Variants in IVNS1ABP observed in about 807,000 individuals in gnomAD.
The protein encoded by IVNS1ABP is influenza virus NS1A binding protein.
Under a neutral mutation model 78.9 loss-of-function variants are expected in IVNS1ABP, and 25 were observed. The ratio of observed to expected loss-of-function variants is 0.32; its 90% CI spans 0.23 to 0.44. The LOEUF is 0.44. IVNS1ABP is among the 20% of genes least tolerant of loss of function. The pLI is 1.00. For missense variants in IVNS1ABP, 494 were observed against 768.9 expected (o/e 0.64, Z 4.23); for synonymous variants, 241 against 259.7 (o/e 0.93, Z 0.69).
intron 1 of IVNS1ABP, among the ~76,000 whole-genome samples, chr1:185,313,270 G>T (rs1050124508): frequency 2.6e-5 from 4 of 152,044 alleles, no homozygotes; most frequent in East Asian, 1.9e-4. Flanking sequence ...TTTAGTGCTT[G>T]ATTTTTATTT....
Position 185,317,208 on chromosome 1 carries a change from T to G in IVNS1ABP, c.-502A>C. 1 of 397,726 alleles carries G rather than the reference T, an allele frequency of 2.5e-6. No individual in the cohort carries two copies. The highest frequency in any genetic ancestry group is 4.4e-5 in the Admixed American group (1 of 22,624). 24.6% of individuals were successfully genotyped at this position (397,726 alleles called of 1,614,324 possible). On this transcript the variant is annotated 5_prime_UTR_variant, in exon 1 of 15. Transcript: ENST00000367498. ...GCGGAGAAACTGCGCCCAGCAGCTC[T>G]GAGCGACCGACCTCCACGCGCGACC...
At chr1:185,299,469 A>G in intron 14 of IVNS1ABP, 1 of 518,516 alleles carries the variant, frequency 1.9e-6, no homozygotes, top group South Asian at 2.5e-5. Context: ...AATGACTTGG[A>G]AATTCACTCA....
At chr1:185,299,508 A>G in intron 14 of IVNS1ABP, 1 of 589,092 alleles carries the variant, frequency 1.7e-6, no homozygotes, top group Non-Finnish European at 3.0e-6. Flanking sequence ...TGGTGAATTA[A>G]GTTATATATC....
Position 185,305,446 on chromosome 1 carries a change from C to T in IVNS1ABP, c.765+90G>A. The T allele has an allele frequency of 4.9e-6, 7 of 1,423,488 alleles. No homozygotes were observed. Among genetic ancestry groups the T allele is most frequent in the Non-Finnish European group, 6.7e-6 (7 of 1,037,562 alleles). The allele number at this position is 1,423,488 out of a possible 1,614,324, so 88.2% of individuals were successfully genotyped here. ...CAGTTATACCAATGAAATTGGTCCA[C>T]TTTCCTTTATTAAAGGAAAATTTAA... On this transcript the variant is annotated intron_variant, in intron 8 of 14. Transcript: ENST00000367498. This position sits in a 1 kb window ranked among gnomAD's most constrained non-coding sequence, Gnocchi z 4.0.
intron 1 of IVNS1ABP, among the ~76,000 whole-genome samples, chr1:185,313,852 G>A (rs750289050): frequency 3.9e-5 from 6 of 152,100 alleles, no homozygotes; most frequent in African/African-American, 1.4e-4. Context: ...GATAAATTCA[G>A]CATACTTCTA....
Position 185,305,587 on chromosome 1 carries a change from A to G in IVNS1ABP, c.714T>C (p.Asp238=). Residue 238 remains aspartate, a synonymous_variant, in exon 8 of 15, where the codon GAT becomes GAC. Coordinates refer to ENST00000367498, the MANE Select transcript of IVNS1ABP (RefSeq NM_006469.5). The surrounding 1 kb of genome is among the most constrained non-coding windows in gnomAD (Gnocchi z 4.0). ...DHKLLDGNLL[D]GQAEVFGSDD... is the part of the protein sequence containing the mutation. ...CACTGCCAAACACCTCAGCCTGTCC[A>G]TCTAGTAGGTTCCCATCAAGCAGCT... 1 of 1,613,264 alleles carries G rather than the reference A, an allele frequency of 6.2e-7. No individual in the cohort carries two copies. Among genetic ancestry groups the G allele is most frequent in the Non-Finnish European group, 8.5e-7 (1 of 1,179,550 alleles).
intron 14 of IVNS1ABP, chr1:185,299,084 A>C (rs1437636200): frequency 6.5e-6 from 1 of 152,902 alleles, no homozygotes; most frequent in East Asian, 1.9e-4. Flanking sequence ...GTATCTGTAA[A>C]GCACGCTGAC....
At chr1:185,307,894 GTAAGTTCACA>G in intron 5 of IVNS1ABP, 1 of 1,501,844 alleles carries the variant, frequency 6.7e-7, no homozygotes, top group Non-Finnish European at 8.9e-7. Context: ...GAAATGCTAT[GTAAGTTCACA>G]TAAGTATTTT....
At chr1:185,311,843 AC>A (rs1665891759) in intron 1 of IVNS1ABP, among the ~76,000 whole-genome samples, 1 of 152,290 alleles carries the variant, frequency 6.6e-6, no homozygotes, top group Admixed American at 6.5e-5. Context: ...AGGAAATCTT[AC>A]AGCCATAGAG....
chr1:185,298,373 T>G lies in IVNS1ABP; in HGVS notation c.1676-85A>C, dbSNP rs868410691. The G allele has an allele frequency of 4.1e-5, 52 of 1,273,560 alleles. No homozygotes were observed. The African/African-American group carries it at 6.1e-4, about 15-fold the overall frequency. 78.9% of individuals were successfully genotyped at this position (1,273,560 alleles called of 1,614,324 possible). ...CCTAAATCTGTCTTTTGCTTAAAAA[T>G]CAGTGGTTTTAAAAATAGAAATGCC... On this transcript the variant is annotated intron_variant, in intron 14 of 14. Transcript: ENST00000367498. This position sits in a 1 kb window ranked among gnomAD's most constrained non-coding sequence, Gnocchi z 4.1.
Position 185,301,138 on chromosome 1 carries a change from A to G in IVNS1ABP, c.954T>C (p.His318=), listed in dbSNP as rs182704054. ...GTGAGCTCTGTGGGCTGTTTCTCCC[A>G]TGAAGAAAAATGACACAGAATATAC... ...LDGIFCVIFL[H]GRNSPQSSPT... is the part of the protein sequence containing the mutation. Residue 318 remains histidine (H), a synonymous_variant, in exon 10 of 15, where the codon CAT becomes CAC. Coordinates refer to ENST00000367498, the MANE Select transcript of IVNS1ABP (RefSeq NM_006469.5). The G allele has an allele frequency of 5.6e-5, 90 of 1,613,442 alleles. No homozygotes were observed. The Middle Eastern group carries it at 6.6e-4, about 12-fold the overall frequency.
intron 8 of IVNS1ABP, among the ~76,000 whole-genome samples, chr1:185,304,427 CTT>C (rs1347499662): frequency 6.6e-6 from 1 of 152,068 alleles, no homozygotes; most frequent in Non-Finnish European, 1.5e-5. Flanking sequence ...AATTCCAAAA[CTT>C]TTAGAAATAT....
Position 185,296,879 on chromosome 1 carries a change from CA to C in IVNS1ABP, c.*1155del, listed in dbSNP as rs751677352. On this transcript the variant is annotated 3_prime_UTR_variant, in exon 15 of 15. Coordinates refer to ENST00000367498, the MANE Select transcript of IVNS1ABP (RefSeq NM_006469.5). ...TAGTAATGAATGAGTGTACAAGCAG[CA>C]ATTGGATATTAATCCCATGGTGCAA... 2 of 152,054 alleles carry C rather than the reference CA, an allele frequency of 1.3e-5. No homozygotes were observed. Among genetic ancestry groups the C allele is most frequent in the African/African-American group, 2.4e-5 (1 of 41,392 alleles). The allele number at this position is 152,054 out of a possible 1,614,324, so 9.4% of individuals were successfully genotyped here.
At chr1:185,315,723 C>T (rs954512115) in intron 1 of IVNS1ABP, among the ~76,000 whole-genome samples, 4 of 152,124 alleles carry the variant, frequency 2.6e-5, no homozygotes, top group Admixed American at 2.0e-4. Context: ...TTTGTTTTTC[C>T]TAAATCAATC....
In IVNS1ABP at chr1:185,300,798, T is replaced by A. The variant is rs138975587; in HGVS notation, c.1120+174A>T. On this transcript the variant is annotated intron_variant, in intron 10 of 14. Transcript: ENST00000367498. ...AAATTTAGCCATGACATAATTTTTTTAAAAATTAGATACAGACATTGAACT... is the reference window on the plus strand; with the variant it reads ...AAATTTAGCCATGACATAATTTTTTAAAAAATTAGATACAGACATTGAACT... 1,230 of 690,586 alleles carry A rather than the reference T, an allele frequency of 1.8e-3. 13 individuals are homozygous for A. The Admixed American group carries it at 0.02, about 11-fold the overall frequency. 42.8% of individuals were successfully genotyped at this position (690,586 alleles called of 1,614,324 possible). A position where few individuals can be genotyped will look rare whatever the true frequency, so the allele number is the denominator to read the frequency against.
rs1452969531 is a variant in IVNS1ABP, at chr1:185,305,942, GA to G, written c.658-300del. 2.0e-5 allele frequency: 6 copies of G among 303,312 alleles called. No homozygotes were observed. The highest frequency in any genetic ancestry group is 3.8e-5 in the Non-Finnish European group (6 of 158,326). 18.8% of individuals were successfully genotyped at this position (303,312 alleles called of 1,614,324 possible). On this transcript the variant is annotated intron_variant, in intron 7 of 14. Coordinates refer to ENST00000367498, the MANE Select transcript of IVNS1ABP (RefSeq NM_006469.5). This position sits in a 1 kb window ranked among gnomAD's most constrained non-coding sequence, Gnocchi z 4.0. ...CATAGCTTCTATCATATAACAGTAA[GA>G]AAAAAAGCACTAGTACAATATATAC...
Position 185,298,453 on chromosome 1 carries a change from A to G in IVNS1ABP, c.1676-165T>C. ...ATGCCTAATATGACAAATACTCTCTAAGAGCTGGGAATCAAATCAATAAAA... is the reference window on the plus strand; with the variant it reads ...ATGCCTAATATGACAAATACTCTCTGAGAGCTGGGAATCAAATCAATAAAA... On this transcript the variant is annotated intron_variant, in intron 14 of 14. Transcript: ENST00000367498. The surrounding 1 kb of genome is among the most constrained non-coding windows in gnomAD (Gnocchi z 4.1). 1 of 640,832 alleles carries G rather than the reference A, an allele frequency of 1.6e-6. No homozygotes were observed. The highest frequency in any genetic ancestry group is 2.6e-6 in the Non-Finnish European group (1 of 385,264). The allele number at this position is 640,832 out of a possible 1,614,324, so 39.7% of individuals were successfully genotyped here. A position where few individuals can be genotyped will look rare whatever the true frequency, so the allele number is the denominator to read the frequency against.
rs201694578 is a variant in IVNS1ABP, at chr1:185,299,850, C to A, written c.1535G>T (p.Gly512Val). 18 of 1,613,694 alleles carry A rather than the reference C, an allele frequency of 1.1e-5. No individual in the cohort carries two copies. In the African/African-American group the frequency reaches 2.0e-4, roughly 18 times the overall value. The change falls in exon 14 of 15, where the codon GGT (glycine) becomes GTT (valine). Residue 512 changes from glycine to valine, a missense_variant. Gly to Val is a moderately radical substitution (Grantham distance 109). Coordinates refer to ENST00000367498, the MANE Select transcript of IVNS1ABP (RefSeq NM_006469.5). The stretch of plus-strand genomic sequence containing the variant: ...TGCACCTCCGATTATGTACAAATAA[C>A]CACCAAGCTCACAGACTGCAGACTG... The part of the protein sequence containing the change: ...RHQSAVCELG[G>V]YLYIIGGAES...
At position 185,313,322 on chromosome 1, in the gene IVNS1ABP, C is replaced by T. The variant is rs537729420; in HGVS notation, c.-246-2000G>A. Among the ~76,000 whole-genome samples, 165 of 152,222 alleles carry T rather than the reference C, an allele frequency of 1.1e-3. 1 individual carries two copies. Among genetic ancestry groups the T allele is most frequent in the Non-Finnish European group, 2.0e-3 (139 of 67,978 alleles). Reference sequence around the variant, plus strand: ...CCATGACAGTACCTGATTTTTAGTACATCAAGGTCATAATATGAACCTCAT... The same window carrying T: ...CCATGACAGTACCTGATTTTTAGTATATCAAGGTCATAATATGAACCTCAT... On this transcript the variant is annotated intron_variant, in intron 1 of 14. Transcript: ENST00000367498.
Sources: allele counts gnomAD v4.1 joint callset (sites outside exome capture counted in the v4.1 genomes callset), GRCh38; gene constraint gnomAD v4.1.1; non-coding constraint Gnocchi (gnomAD v3.1); transcripts MANE v1.5; gene names NCBI Gene and HGNC (gene_info 2026-07-23, HGNC 2026-07-21).